The following XKR6 variants were observed in gnomAD, a reference collection of about 807,000 sequenced individuals.
XKR6 encodes XK related 6, also known as XK-related protein 6.
In XKR6, 22 loss-of-function variants were observed where a neutral mutation model predicts 56.7. That is an observed-to-expected ratio of 0.39 (90% CI 0.28 to 0.55). XKR6 has a LOEUF of 0.55. Ranked by LOEUF, XKR6 falls within the 20% of genes least tolerant of loss-of-function variation. The pLI, the probability that XKR6 is intolerant of heterozygous loss-of-function variation, is 0.66. For synonymous variants in XKR6, 524 were observed against 387.8 expected (o/e 1.35, Z -4.13); for missense variants, 852 against 889.0 (o/e 0.96, Z 0.53).
chr8:11,070,317 T>G (rs901224084), intron 1 of XKR6, among the ~76,000 whole-genome samples: 3 of 152,186 alleles, frequency 2.0e-5, no homozygotes, highest in African/African-American at 7.2e-5. Context: ...AGAGAGAAGC[T>G]GGGTTTGTAG....
In XKR6 at chr8:10,950,732, T is replaced by G. The variant is rs374199298; in HGVS notation, c.765-25902A>C. Among the ~76,000 whole-genome samples the G allele has an allele frequency of 1.1e-4, 17 of 152,318 alleles. No individual in the cohort carries two copies. In the East Asian group the frequency reaches 3.1e-3, roughly 28 times the overall value. ...GAGATGGCGAGAACATACAATCCAGTTGGCAAGCACCACAGGCCCTTGGCT... is the reference window on the plus strand; with the variant it reads ...GAGATGGCGAGAACATACAATCCAGGTGGCAAGCACCACAGGCCCTTGGCT... On this transcript the variant is annotated intron_variant, in intron 1 of 2. Coordinates refer to ENST00000416569, the MANE Select transcript of XKR6 (RefSeq NM_173683.4).
chr8:10,976,144 C>A (rs956251351), intron 1 of XKR6, among the ~76,000 whole-genome samples: 18 of 152,118 alleles, frequency 1.2e-4, no homozygotes, highest in African/African-American at 4.3e-4. Context: ...CCACTGCACT[C>A]CAGCCTGGGT....
chr8:10,994,911 A>G (rs1292001732), intron 1 of XKR6, among the ~76,000 whole-genome samples: 3 of 152,186 alleles, frequency 2.0e-5, no homozygotes, highest in South Asian at 4.1e-4. Context: ...ATGGGGGAAG[A>G]GAAGACGGGG....
intron 1 of XKR6, among the ~76,000 whole-genome samples, chr8:11,026,357 T>C (rs1020512687): frequency 2.0e-5 from 3 of 150,656 alleles, no homozygotes; most frequent in Non-Finnish European, 4.4e-5. Context: ...TGTTGCCTAC[T>C]ACACACCTAA....
At chr8:10,901,889 T>C (rs1349114643) in intron 2 of XKR6, among the ~76,000 whole-genome samples, 1 of 152,192 alleles carries the variant, frequency 6.6e-6, no homozygotes, top group East Asian at 1.9e-4. Context: ...TGCTGTGACA[T>C]TGGCCCCGTT....
At chr8:11,123,551 C>A in intron 1 of XKR6, 1 of 264,728 alleles carries the variant, frequency 3.8e-6, no homozygotes, top group South Asian at 4.3e-5. Context: ...TCATCACCAA[C>A]CTCAAACTGG....
chr8:10,939,335 A>G (rs977290993), intron 1 of XKR6, among the ~76,000 whole-genome samples: 1 of 152,158 alleles, frequency 6.6e-6, no homozygotes, highest in Non-Finnish European at 1.5e-5. Flanking sequence ...GCCTGGCCCC[A>G]AGGACCAGTG....
Position 11,178,576 on chromosome 8 carries a change from A to ATATATATATATATATG in XKR6, c.764+21999_764+22000insCATATATATATATATA, listed in dbSNP as rs1266024257. On this transcript the variant is annotated intron_variant, in intron 1 of 2. Transcript: ENST00000416569. The stretch of plus-strand genomic sequence containing the variant: ...TATATATATATATATATATATATGT[A>ATATATATATATATATG]TATATATATGTACTACACACACACA... 2.5e-3 allele frequency among the ~76,000 whole-genome samples: 340 copies of ATATATATATATATATG among 135,780 alleles called. 2 individuals carry two copies. The highest frequency in any genetic ancestry group is 7.0e-3 in the South Asian group (29 of 4,128). 89.1% of individuals were successfully genotyped at this position (135,780 alleles called of 152,430 possible).
At chr8:11,182,846 CTG>C (rs1209174374) in intron 1 of XKR6, among the ~76,000 whole-genome samples, 1 of 152,192 alleles carries the variant, frequency 6.6e-6, no homozygotes, top group East Asian at 1.9e-4. Flanking sequence ...AACTGGAACT[CTG>C]TGCCATATTA....
At chr8:10,979,550 A>C (rs1198978914) in intron 1 of XKR6, among the ~76,000 whole-genome samples, 4 of 152,142 alleles carry the variant, frequency 2.6e-5, no homozygotes, top group Non-Finnish European at 5.9e-5. Flanking sequence ...CTAGCCCCTG[A>C]AGCAGCCAAG....
chr8:11,184,096 T>C (rs1347599576), intron 1 of XKR6, among the ~76,000 whole-genome samples: 4 of 152,174 alleles, frequency 2.6e-5, no homozygotes, highest in South Asian at 2.1e-4. Context: ...AATTATCTCA[T>C]ACATAGTGTA....
chr8:10,979,876 T>C (rs1268974373), intron 1 of XKR6, among the ~76,000 whole-genome samples: 3 of 152,226 alleles, frequency 2.0e-5, no homozygotes, highest in Non-Finnish European at 2.9e-5. Context: ...GAGTGGTCTC[T>C]GGTCCTCTTG....
At chr8:11,102,154 A>C (rs1199903340) in intron 1 of XKR6, among the ~76,000 whole-genome samples, 1 of 152,118 alleles carries the variant, frequency 6.6e-6, no homozygotes, top group East Asian at 1.9e-4. Flanking sequence ...AACTGACATA[A>C]ACATCGTCTT....
chr8:10,970,508 C>G (rs562844633), intron 1 of XKR6, among the ~76,000 whole-genome samples: 1 of 151,986 alleles, frequency 6.6e-6, no homozygotes, highest in South Asian at 2.1e-4. Context: ...AGGATCTGCA[C>G]ATGAAACTGT....
chr8:11,027,753 T>C (rs1333173242), intron 1 of XKR6, among the ~76,000 whole-genome samples: 1 of 151,834 alleles, frequency 6.6e-6, no homozygotes, highest in East Asian at 1.9e-4. Flanking sequence ...AGAAGGAGAG[T>C]AGGTACTCCG....
intron 1 of XKR6, among the ~76,000 whole-genome samples, chr8:11,114,852 T>C (rs1161196418): frequency 6.6e-6 from 1 of 151,978 alleles, no homozygotes; most frequent in African/African-American, 2.4e-5. Context: ...TTTTTGTGTA[T>C]TCACAACTCT....
intron 1 of XKR6, among the ~76,000 whole-genome samples, chr8:11,080,183 C>G (rs1563122786): frequency 6.6e-6 from 1 of 151,574 alleles, no homozygotes; most frequent in Admixed American, 6.6e-5. Context: ...TTAGATGACA[C>G]AGACTTTTGG....
At chr8:11,016,543 T>C (rs1047061539) in intron 1 of XKR6, among the ~76,000 whole-genome samples, 3 of 152,170 alleles carry the variant, frequency 2.0e-5, no homozygotes, top group Admixed American at 2.0e-4. Flanking sequence ...CATCCCTGCC[T>C]GGCTGCCACC....
intron 2 of XKR6, among the ~76,000 whole-genome samples, chr8:10,913,765 G>A (rs563793353): frequency 1.1e-3 from 171 of 152,324 alleles, no homozygotes; most frequent in Admixed American, 1.9e-3. Flanking sequence ...TTTTCTCCCA[G>A]GTGACAGGAA....
Sources: allele counts gnomAD v4.1 joint callset (sites outside exome capture counted in the v4.1 genomes callset), GRCh38; gene constraint gnomAD v4.1.1; transcripts MANE v1.5; gene names NCBI Gene and HGNC (gene_info 2026-07-23, HGNC 2026-07-21).